The following LIPC variants were observed in gnomAD, a reference collection of about 807,000 sequenced individuals.
The protein encoded by LIPC is lipase C, hepatic type.
Under a neutral mutation model 50.7 loss-of-function variants are expected in LIPC, and 44 were observed. The ratio of observed to expected loss-of-function variants is 0.87; its 90% CI spans 0.68 to 1.11. LIPC has a LOEUF of 1.11. Among genes scored for constraint, LIPC ranks in the 50% most tolerant of loss-of-function variants. The pLI, the probability that LIPC is intolerant of heterozygous loss-of-function variation, is 0.00. For synonymous variants in LIPC, 271 were observed against 256.4 expected, an observed-to-expected ratio of 1.06 and a Z score of -0.54; for missense variants, 697 against 648.2, an observed-to-expected ratio of 1.08 and a Z score of -0.82.
At chr15:58,533,514 T>C (rs4775072) in intron 1 of LIPC, among the ~76,000 whole-genome samples, 129,053 of 152,200 alleles carry the variant, frequency 0.85, 56,538 homozygotes, top group Non-Finnish European at 0.98. Context: ...ACATAAAGAA[T>C]ATCATCAGAG....
At chr15:58,467,195 G>T (rs1469482494) in intron 1 of LIPC, among the ~76,000 whole-genome samples, 3 of 152,154 alleles carry the variant, frequency 2.0e-5, no homozygotes, top group African/African-American at 7.2e-5. Context: ...CTCACAGAGG[G>T]TGGTTAGAAC....
intron 1 of LIPC, among the ~76,000 whole-genome samples, chr15:58,530,559 T>A (rs1316713357): frequency 2.0e-5 from 3 of 152,232 alleles, no homozygotes; most frequent in African/African-American, 7.2e-5. Context: ...TAGTGCAGTA[T>A]TCCAACAATC....
At chr15:58,487,376 T>A (rs1329390212) in intron 1 of LIPC, among the ~76,000 whole-genome samples, 1 of 152,190 alleles carries the variant, frequency 6.6e-6, no homozygotes, top group African/African-American at 2.4e-5. Context: ...GCAGACTGCT[T>A]GGTACAAAGT....
In LIPC at chr15:58,499,957, G is replaced by T. The variant is rs184270132; in HGVS notation, c.89-38376G>T. 2.1e-3 allele frequency among the ~76,000 whole-genome samples: 315 copies of T among 152,264 alleles called. 1 individual carries two copies. The highest frequency in any genetic ancestry group is 7.4e-3 in the African/African-American group (306 of 41,524). On this transcript the variant is annotated intron_variant, in intron 1 of 8. Coordinates refer to ENST00000299022, the MANE Select transcript of LIPC (RefSeq NM_000236.3). ...TGTTTCGGTAGAAGACATGAGTTGG[G>T]GAGGTCTGATTTGGTACAAGAGATC...
chr15:58,466,356 T>G (rs150313165), intron 1 of LIPC, among the ~76,000 whole-genome samples: 3 of 152,316 alleles, frequency 2.0e-5, no homozygotes, highest in African/African-American at 7.2e-5. Flanking sequence ...GGTGTCTTAG[T>G]TTCGTGAAAG....
chr15:58,469,296 C>A (rs1894697426), intron 1 of LIPC, among the ~76,000 whole-genome samples: 1 of 152,068 alleles, frequency 6.6e-6, no homozygotes, highest in Non-Finnish European at 1.5e-5. Context: ...ACCATACCCA[C>A]CCTAAGGAAT....
intron 1 of LIPC, among the ~76,000 whole-genome samples, chr15:58,441,100 G>T (rs565690609): frequency 6.6e-6 from 1 of 152,194 alleles, no homozygotes; most frequent in African/African-American, 2.4e-5. Context: ...AGAGAACAAG[G>T]TTCCCAGCAG....
At chr15:58,523,746 C>T (rs571299029) in intron 1 of LIPC, among the ~76,000 whole-genome samples, 2 of 152,032 alleles carry the variant, frequency 1.3e-5, no homozygotes, top group South Asian at 2.1e-4. Flanking sequence ...CAGTGAGGCC[C>T]TGTGTCTATG....
At chr15:58,451,512 C>T (rs543673764) in intron 1 of LIPC, among the ~76,000 whole-genome samples, 1 of 152,306 alleles carries the variant, frequency 6.6e-6, no homozygotes, top group East Asian at 1.9e-4. Flanking sequence ...AGAGACCACA[C>T]TTCATCACAT....
intron 1 of LIPC, among the ~76,000 whole-genome samples, chr15:58,492,888 G>T (rs914900115): frequency 1.3e-5 from 2 of 152,112 alleles, no homozygotes; most frequent in African/African-American, 4.8e-5. Flanking sequence ...AGGAGAGGGG[G>T]CCCTGGGCAA....
chr15:58,512,709 C>T (rs1460855879), intron 1 of LIPC, among the ~76,000 whole-genome samples: 6 of 152,112 alleles, frequency 3.9e-5, no homozygotes, highest in Non-Finnish European at 4.4e-5. Context: ...CAGACAGAGG[C>T]GCCCTGGGAT....
intron 1 of LIPC, among the ~76,000 whole-genome samples, chr15:58,501,788 A>T (rs1237242402): frequency 6.6e-6 from 1 of 152,170 alleles, no homozygotes; most frequent in East Asian, 1.9e-4. Context: ...ACCCTAACCC[A>T]GTTCATCCAG....
chr15:58,487,043 G>A (rs1891400848), intron 1 of LIPC, among the ~76,000 whole-genome samples: 2 of 152,094 alleles, frequency 1.3e-5, no homozygotes, highest in South Asian at 4.1e-4. Context: ...TTATGGTTCT[G>A]GCATACAAAG....
At chr15:58,455,807 T>C (rs1481824342) in intron 1 of LIPC, among the ~76,000 whole-genome samples, 4 of 152,144 alleles carry the variant, frequency 2.6e-5, no homozygotes, top group Admixed American at 1.3e-4. Flanking sequence ...AGCAATGAAA[T>C]GCACAATATA....
At position 58,486,287 on chromosome 15, in the gene LIPC, C is replaced by T. The variant is rs143396607; in HGVS notation, c.89-52046C>T. Among the ~76,000 whole-genome samples, 6 of 152,252 alleles carry T rather than the reference C, an allele frequency of 3.9e-5. No homozygotes were observed. The East Asian group carries it at 1.2e-3, about 29-fold the overall frequency. On this transcript the variant is annotated intron_variant, in intron 1 of 8. Coordinates refer to ENST00000299022, the MANE Select transcript of LIPC (RefSeq NM_000236.3). ...CTCCTCAGGCTGGGTGTAGGGTGACCAGCTGTCCTAGTATGACTGGGCCTA... is the reference window on the plus strand; with the variant it reads ...CTCCTCAGGCTGGGTGTAGGGTGACTAGCTGTCCTAGTATGACTGGGCCTA...
In LIPC at chr15:58,542,633, A is replaced by C; in HGVS notation, c.556A>C (p.Lys186Gln). ...FAGSSIGGTHKIGRITGLDAA... is the reference protein window; with the variant it reads ...FAGSSIGGTHQIGRITGLDAA... ...CGGCAGTTCCATCGGTGGAACGCAC[A>C]AGATTGGGAGAATCACAGGTAACCA... The change falls in exon 4 of 9, where the codon AAG (lysine) becomes CAG (glutamine). Residue 186 changes from lysine (K) to glutamine (Q), a missense_variant. Lys to Gln is a moderately conservative substitution (Grantham distance 53). Coordinates refer to ENST00000299022, the MANE Select transcript of LIPC (RefSeq NM_000236.3). 6.2e-7 allele frequency: 1 copy of C among 1,612,208 alleles called. No homozygotes were observed.
intron 1 of LIPC, among the ~76,000 whole-genome samples, chr15:58,527,531 C>A (rs1892830919): frequency 6.6e-6 from 1 of 152,188 alleles, no homozygotes; most frequent in South Asian, 2.1e-4. Context: ...GAGGAGCTGG[C>A]GGTACCACCC....
intron 1 of LIPC, among the ~76,000 whole-genome samples, chr15:58,481,516 T>C (rs1386909091): frequency 1.3e-5 from 2 of 152,166 alleles, no homozygotes; most frequent in Non-Finnish European, 2.9e-5. Context: ...TTTAAAAGAC[T>C]GAAGTTGGCC....
At chr15:58,451,918 C>G (rs766519495) in intron 1 of LIPC, among the ~76,000 whole-genome samples, 1 of 152,126 alleles carries the variant, frequency 6.6e-6, no homozygotes, top group Non-Finnish European at 1.5e-5. Context: ...TGGGGAAAAT[C>G]CTGGGCAGCA....
Sources: allele counts gnomAD v4.1 joint callset (sites outside exome capture counted in the v4.1 genomes callset), GRCh38; gene constraint gnomAD v4.1.1; transcripts MANE v1.5; gene names NCBI Gene and HGNC (gene_info 2026-07-23, HGNC 2026-07-21).